IPO7: variants seen among roughly 807,000 people sequenced by gnomAD.
The protein encoded by IPO7 is importin 7, also known as importin-7.
IPO7 carries 13 observed loss-of-function variants against 136.4 expected under a neutral mutation model. The observed-to-expected ratio is 0.10, with a 90% CI of 0.06 to 0.15. The LOEUF (loss-of-function observed/expected upper bound fraction) is 0.15, where lower values mean the gene tolerates loss of function less well. Among genes scored for constraint, IPO7 ranks in the 10% least tolerant of loss-of-function variants. The probability of loss-of-function intolerance (pLI) is 1.00; values close to 1 mark genes in which losing one functional copy is unlikely to be tolerated. For missense variants in IPO7, 857 were observed against 1,240.6 expected, an observed-to-expected ratio of 0.69 and a Z score of 4.65; for synonymous variants, 403 against 404.4, an observed-to-expected ratio of 1.00 and a Z score of 0.04.
intron 24 of IPO7, 98 bp from the exon 25 acceptor site, chr11:9,444,999 A>G: frequency 1.3e-6 from 1 of 754,862 alleles, no homozygotes; most frequent in South Asian, 1.5e-5. Flanking sequence ...CCTGGCCACT[A>G]ATGATGGTTA....
intron 12 of IPO7, 91 bp downstream of exon 12, chr11:9,425,353 C>T: frequency 1.3e-6 from 1 of 795,834 alleles, no homozygotes; most frequent in Non-Finnish European, 2.2e-6. Flanking sequence ...CTTCTATAAT[C>T]CCAGCACTTT....
chr11:9,440,280 C>T (rs1855444252), intron 22 of IPO7, among the ~76,000 whole-genome samples, 175 bp from the exon 23 acceptor site: 1 of 152,174 alleles, frequency 6.6e-6, no homozygotes, highest in African/African-American at 2.4e-5. Flanking sequence ...TCTTGGACTC[C>T]TATGGAAATT....
chr11:9,415,504 T>G (rs950016707), intron 5 of IPO7, among the ~76,000 whole-genome samples: 2 of 152,170 alleles, frequency 1.3e-5, no homozygotes, highest in Non-Finnish European at 2.9e-5. Context: ...TTATTATTTC[T>G]GTATGTTCTA....
At chr11:9,425,463 G>A (rs758894007) in intron 12 of IPO7, 5 of 519,656 alleles carry the variant, frequency 9.6e-6, no homozygotes, top group Admixed American at 6.5e-5. Flanking sequence ...AAAATAGGCC[G>A]GGTGTGGTGG....
At chr11:9,398,946 G>T (rs1854753931) in intron 1 of IPO7, among the ~76,000 whole-genome samples, 1 of 152,162 alleles carries the variant, frequency 6.6e-6, no homozygotes, top group Non-Finnish European at 1.5e-5. Flanking sequence ...TTTTAAAAAT[G>T]AGGCTGAAGA....
At chr11:9,411,537 G>A (rs986025248) in intron 4 of IPO7, among the ~76,000 whole-genome samples, 8 of 152,192 alleles carry the variant, frequency 5.3e-5, no homozygotes, top group African/African-American at 1.2e-4. Context: ...CCAGTGAGAG[G>A]TTGGGAATAG....
intron 14 of IPO7, among the ~76,000 whole-genome samples, chr11:9,429,410 G>A (rs1855261155): frequency 6.6e-6 from 1 of 151,866 alleles, no homozygotes; most frequent in Non-Finnish European, 1.5e-5. Flanking sequence ...GGAGTCTGAG[G>A]CAGCAGGATC....
chr11:9,438,916 C>A (rs909903461), intron 22 of IPO7, among the ~76,000 whole-genome samples: 27 of 146,970 alleles, frequency 1.8e-4, no homozygotes, highest in Non-Finnish European at 9.1e-5. Flanking sequence ...TATTACAAAG[C>A]CAAATAATTA....
intron 6 of IPO7, 141 bp from the exon 7 acceptor site, chr11:9,420,270 T>A: frequency 3.4e-6 from 2 of 580,556 alleles, no homozygotes; most frequent in South Asian, 4.7e-5. Flanking sequence ...TGAGCTGAGA[T>A]GGCAATAGAG....
Position 9,423,833 on chromosome 11 carries a change from A to G in IPO7, c.1098A>G (p.Glu366=), listed in dbSNP as rs762515304. 6.8e-6 allele frequency: 11 copies of G among 1,610,326 alleles called. No homozygotes were observed. The highest frequency in any genetic ancestry group is 9.3e-6 in the Non-Finnish European group (11 of 1,177,542). The change falls in exon 10 of 25, where the codon GAA becomes GAG. Residue 366 remains glutamate, a synonymous_variant. Coordinates refer to ENST00000379719, the MANE Select transcript of IPO7 (RefSeq NM_006391.3). ...PLMCYTDADE[E]LWQEDPYEYI... ...TGTGCTATACAGATGCTGATGAGGA[A>G]CTTTGGCAAGAAGACCCTTACGAAT...
At chr11:9,419,288 G>A (rs547507076) in intron 6 of IPO7, among the ~76,000 whole-genome samples, 1 of 152,068 alleles carries the variant, frequency 6.6e-6, no homozygotes, top group Admixed American at 6.6e-5. Flanking sequence ...GGTGGCTTAC[G>A]CCTGTAATCA....
At chr11:9,425,594 C>A (rs561524114) in intron 12 of IPO7, among the ~76,000 whole-genome samples, 74 of 151,848 alleles carry the variant, frequency 4.9e-4, no homozygotes, top group African/African-American at 1.7e-3. Context: ...TACAAAAATC[C>A]GCCGGGCGTG....
At position 9,423,098 on chromosome 11, in the gene IPO7, T is replaced by C. The variant is rs201740729; in HGVS notation, c.999T>C (p.Val333=). 1.9e-5 allele frequency: 30 copies of C among 1,594,678 alleles called. No individual in the cohort carries two copies. The highest frequency in any genetic ancestry group is 2.5e-5 in the Non-Finnish European group (29 of 1,163,844). Residue 333 remains valine, a synonymous_variant, in exon 9 of 25, where the codon GTT becomes GTC. Transcript: ENST00000379719. ...QQTLNYINQG[V]SHALTWKNLK... The stretch of plus-strand genomic sequence containing the variant: ...CATTAAATTATATTAATCAAGGAGT[T>C]TCTCATGCTCTCACCTGGAAGAATC...
intron 1 of IPO7, among the ~76,000 whole-genome samples, chr11:9,399,857 C>T (rs567788096): frequency 6.6e-6 from 1 of 152,196 alleles, no homozygotes; most frequent in Non-Finnish European, 1.5e-5. Context: ...AGGGTCAATA[C>T]CTCCCTTTCA....
chr11:9,420,554 C>T (rs766882945), intron 7 of IPO7, 49 bp downstream of exon 7: 1 of 1,565,278 alleles, frequency 6.4e-7, no homozygotes, highest in Non-Finnish European at 8.8e-7. Flanking sequence ...TAAGGTTTTG[C>T]TTTAAAGTGC....
chr11:9,423,296 G>T (rs1463749583), intron 9 of IPO7, among the ~76,000 whole-genome samples, 156 bp downstream of exon 9: 1 of 152,190 alleles, frequency 6.6e-6, no homozygotes, highest in African/African-American at 2.4e-5. Context: ...AGATAAGACA[G>T]TGACATAAAG....
At chr11:9,441,116 T>C (rs1855454912) in intron 23 of IPO7, among the ~76,000 whole-genome samples, 1 of 152,364 alleles carries the variant, frequency 6.6e-6, no homozygotes, top group South Asian at 2.1e-4. Flanking sequence ...CTGTGATGTG[T>C]TAACTAATTT....
At chr11:9,429,338 CA>C (rs770672227) in intron 14 of IPO7, 142 bp downstream of exon 14, 27 of 697,922 alleles carry the variant, frequency 3.9e-5, no homozygotes, top group Non-Finnish European at 5.0e-5. Flanking sequence ...AACATCTCTA[CA>C]AAAAAAATTT....
At chr11:9,436,233 A>G (rs765370360) in intron 19 of IPO7, 38 bp from the exon 20 acceptor site, 2 of 1,417,308 alleles carry the variant, frequency 1.4e-6, no homozygotes, top group Non-Finnish European at 1.0e-6. Context: ...GATTTAAAGG[A>G]TAAAGCCTTA....
Sources: allele counts gnomAD v4.1 joint callset (sites outside exome capture counted in the v4.1 genomes callset), GRCh38; gene constraint gnomAD v4.1.1; transcripts MANE v1.5; gene names NCBI Gene and HGNC (gene_info 2026-07-23, HGNC 2026-07-21).